The following TTC16 variants were observed in gnomAD, a reference collection of about 807,000 sequenced individuals.
The protein encoded by TTC16 is tetratricopeptide repeat protein 16.
Under a neutral mutation model 80.4 loss-of-function variants are expected in TTC16, and 66 were observed. The ratio of observed to expected loss-of-function variants is 0.82; its 90% CI spans 0.67 to 1.01. The LOEUF (loss-of-function observed/expected upper bound fraction) is 1.01. Among genes scored for constraint, TTC16 ranks in the 50% least tolerant of loss-of-function variants. TTC16 has a pLI of 0.00. For missense variants in TTC16, 1,070 were observed against 1,103.2 expected, an observed-to-expected ratio of 0.97 and a Z score of 0.43; for synonymous variants, 438 against 451.3, an observed-to-expected ratio of 0.97 and a Z score of 0.37.
intron 11 of TTC16, 28 bp downstream of exon 11, chr9:127,727,140 C>T (rs1360835014): frequency 6.4e-7 from 1 of 1,556,118 alleles, no homozygotes; most frequent in Admixed American, 1.9e-5. Flanking sequence ...GGGCACAGGC[C>T]AGGGCTGGGG....
Position 127,730,918 on chromosome 9 carries a change from C to T in TTC16, c.2135C>T (p.Ala712Val). 6.2e-7 allele frequency: 1 copy of T among 1,612,594 alleles called. No homozygotes were observed. Among genetic ancestry groups the T allele is most frequent in the Non-Finnish European group, 8.5e-7 (1 of 1,179,846 alleles). Residue 712 changes from alanine (A) to valine (V), a missense_variant, in exon 14 of 14, where the codon GCC becomes GTC. By Grantham distance (64) the Ala-to-Val change is moderately conservative (BLOSUM62 0). Coordinates refer to ENST00000373289, the MANE Select transcript of TTC16 (RefSeq NM_144965.3). ...AAGAGGAACTCCAGCAAGACCAAGGCCACCCAAAGCCAGAGGCGGAACTCC... is the reference window on the plus strand; with the variant it reads ...AAGAGGAACTCCAGCAAGACCAAGGTCACCCAAAGCCAGAGGCGGAACTCC... ...IHKRNSSKTK[A>V]TQSQRRNSSK...
chr9:127,717,933 G>A (rs1001493059), intron 4 of TTC16, among the ~76,000 whole-genome samples, 161 bp downstream of exon 4: 1 of 152,158 alleles, frequency 6.6e-6, no homozygotes, highest in Non-Finnish European at 1.5e-5. Flanking sequence ...TTACTGCCAG[G>A]GTTGAGTCAA....
At chr9:127,720,811 CT>C (rs1204736966) in intron 6 of TTC16, among the ~76,000 whole-genome samples, 9 of 135,138 alleles carry the variant, frequency 6.7e-5, no homozygotes, top group Admixed American at 1.5e-4. Context: ...TTCCTCCCTC[CT>C]TCTTTCTTCC....
Position 127,724,286 on chromosome 9 carries a change from T to C in TTC16, c.1039T>C (p.Tyr347His), listed in dbSNP as rs1259833571. ...FAVHCYRQGA[Y>H]QEGVLLLNKA... The stretch of plus-strand genomic sequence containing the variant: ...CGTGCACTGCTACAGGCAGGGCGCC[T>C]ACCAGGAGGGCGTGCTGCTGCTGAA... The change falls in exon 8 of 14, where the codon TAC becomes CAC. Residue 347 changes from tyrosine (Y) to histidine (H), a missense_variant. Physicochemically the swap from Tyr to His is moderately conservative, Grantham distance 83 (BLOSUM62 2). Coordinates refer to ENST00000373289, the MANE Select transcript of TTC16 (RefSeq NM_144965.3). The C allele has an allele frequency of 6.2e-7, 1 of 1,612,930 alleles. No individual in the cohort carries two copies. The highest frequency in any genetic ancestry group is 1.1e-5 in the South Asian group (1 of 91,072).
chr9:127,727,238 A>G, intron 11 of TTC16, 32 bp from the exon 12 acceptor site: 1 of 1,535,530 alleles, frequency 6.5e-7, no homozygotes. Flanking sequence ...GGCCAGGGAG[A>G]CTGACAATAC....
intron 7 of TTC16, among the ~76,000 whole-genome samples, chr9:127,723,692 T>C (rs1588439825): frequency 6.6e-6 from 1 of 152,004 alleles, no homozygotes; most frequent in Non-Finnish European, 1.5e-5. Context: ...CTGGCAGGAG[T>C]GACTCCAGGG....
Position 127,727,254 on chromosome 9 carries a change from G to T in TTC16, c.1569-16G>T. On this transcript the variant is annotated splice_polypyrimidine_tract_variant and intron_variant, in intron 11 of 13. Coordinates refer to ENST00000373289, the MANE Select transcript of TTC16 (RefSeq NM_144965.3). The stretch of plus-strand genomic sequence containing the variant: ...GCCAGGGAGACTGACAATACCTGGG[G>T]GGTATCGTTTGGCAGGATGCTTAAA... 1 of 1,546,084 alleles carries T rather than the reference G, an allele frequency of 6.5e-7. No individual in the cohort carries two copies. Among genetic ancestry groups the T allele is most frequent in the Non-Finnish European group, 8.7e-7 (1 of 1,143,876 alleles).
intron 2 of TTC16, 52 bp downstream of exon 2, chr9:127,717,068 T>G: frequency 6.3e-7 from 1 of 1,598,600 alleles, no homozygotes; most frequent in Non-Finnish European, 8.6e-7. Context: ...ACACAGCCAT[T>G]CACATGCTGT....
rs1456563384 is a variant in TTC16 at position 127,720,387 on chromosome 9, C to G, written c.649C>G (p.Leu217Val). 6.2e-7 allele frequency: 1 copy of G among 1,612,890 alleles called. No homozygotes were observed. Among genetic ancestry groups the G allele is most frequent in the Non-Finnish European group, 8.5e-7 (1 of 1,179,942 alleles). ...YIFRARLYNFLQKPHLCYRDL... is the reference protein window; with the variant it reads ...YIFRARLYNFVQKPHLCYRDL... ...CTTCCGGGCCAGACTCTACAACTTT[C>G]TCCAGAAGGTACAGTGGGGAGGGCG... The change falls in exon 6 of 14, where the codon CTC (leucine) becomes GTC (valine). Residue 217 changes from leucine (L) to valine (V), a missense_variant. Physicochemically the swap from Leu to Val is conservative, Grantham distance 32. Coordinates refer to ENST00000373289, the MANE Select transcript of TTC16 (RefSeq NM_144965.3).
rs1843193168 is a variant in TTC16, at chr9:127,718,093, A to T, written c.426+321A>T. ...TATCTTATTTTTATTTTATTTTATT[A>T]TTATTATTATTTTTGAGACAGTCTT... On this transcript the variant is annotated intron_variant, in intron 4 of 13. Transcript: ENST00000373289. The surrounding 1 kb of genome is among the most constrained non-coding windows in gnomAD (Gnocchi z 4.6). 2.0e-5 allele frequency among the ~76,000 whole-genome samples: 3 copies of T among 151,830 alleles called. No homozygotes were observed. The highest frequency in any genetic ancestry group is 6.6e-5 in the Admixed American group (1 of 15,234).
rs1222450783 is a variant in TTC16 at position 127,718,244 on chromosome 9, C to T, written c.426+472C>T. Among the ~76,000 whole-genome samples the T allele has an allele frequency of 6.6e-6, 1 of 152,048 alleles. No individual in the cohort carries two copies. The highest frequency in any genetic ancestry group is 2.4e-5 in the African/African-American group (1 of 41,402). On this transcript the variant is annotated intron_variant, in intron 4 of 13. Transcript: ENST00000373289. This position sits in a 1 kb window ranked among gnomAD's most constrained non-coding sequence, Gnocchi z 4.6. ...CTGGGACTACAGGCACACGCCACCA[C>T]GCCTGGCTAATTTTTTGTATTTTAG...
chr9:127,728,932 G>A (rs548088909), intron 12 of TTC16: 1 of 152,352 alleles, frequency 6.6e-6, no homozygotes, highest in Non-Finnish European at 1.5e-5. Flanking sequence ...GGAGACGTTG[G>A]GCTGAAGTGG....
chr9:127,716,157 G>C lies in TTC16; in HGVS notation c.12G>C (p.Ser4=). ...CTGGAAGGGGCCTCATGACAGATTC[G>C]GACGAGGTGCGGGCTTGGGAGAAGA... MTD[S]DEDALKVDQG... The change falls in exon 1 of 14, where the codon TCG becomes TCC. Residue 4 remains serine, a synonymous_variant. Transcript: ENST00000373289. The C allele has an allele frequency of 2.5e-6, 4 of 1,613,946 alleles. No homozygotes were observed. The highest frequency in any genetic ancestry group is 3.4e-6 in the Non-Finnish European group (4 of 1,180,012).
rs1326915432 is a variant in TTC16 at position 127,726,391 on chromosome 9, C to G, written c.1412C>G (p.Pro471Arg). Residue 471 changes from proline to arginine, a missense_variant, in exon 10 of 14, where the codon CCC (proline) becomes CGC (arginine). Pro to Arg is a moderately radical substitution (Grantham distance 103). Transcript: ENST00000373289. ...QDVATVLLLN[P>R]KQPKLSLLMT... is the part of the protein sequence containing the mutation. ...GTGGCCACTGTCCTGCTCCTCAACC[C>G]CAAGCAACCAAAGGTAGGTTCCTGC... 1 of 1,601,590 alleles carries G rather than the reference C, an allele frequency of 6.2e-7. No individual in the cohort carries two copies. Among genetic ancestry groups the G allele is most frequent in the South Asian group, 1.1e-5 (1 of 90,144 alleles).
At chr9:127,717,470 T>G in intron 3 of TTC16, 46 bp downstream of exon 3, 1 of 1,591,984 alleles carries the variant, frequency 6.3e-7, no homozygotes, top group Non-Finnish European at 8.6e-7. Context: ...TGGAACATGC[T>G]TCCTCCCTCC....
In TTC16 at chr9:127,724,852, T is replaced by TG. The variant is rs1564387941; in HGVS notation, c.1217dup (p.Leu407ProfsTer88). ...CAGGACGAGGGCGCCAACACGCGCA[T>TG]GGGCCTGCTGCAGGAGAAGATGGGC... On this transcript the variant is annotated frameshift_variant, in exon 9 of 14. Transcript: ENST00000373289. LOFTEE classifies it high-confidence loss of function. The TG allele has an allele frequency of 1.9e-6, 3 of 1,587,308 alleles. No homozygotes were observed. The highest frequency in any genetic ancestry group is 2.6e-6 in the Non-Finnish European group (3 of 1,168,934).
At chr9:127,721,207 G>A (rs574529017) in intron 6 of TTC16, among the ~76,000 whole-genome samples, 1 of 151,898 alleles carries the variant, frequency 6.6e-6, no homozygotes, top group South Asian at 2.1e-4. Context: ...CCCCAGGGCA[G>A]GGGGCTTTAG....
rs779284760 is a variant in TTC16 at position 127,731,374 on chromosome 9, A to T, written c.2591A>T (p.Asp864Val). The T allele has an allele frequency of 1.2e-5, 20 of 1,612,756 alleles. 1 individual carries two copies. In the South Asian group the frequency reaches 2.1e-4, roughly 17 times the overall value. Residue 864 changes from aspartate to valine, a missense_variant, in exon 14 of 14, where the codon GAT becomes GTT. Coordinates refer to ENST00000373289, the MANE Select transcript of TTC16 (RefSeq NM_144965.3). ...PSPSLSKTEVDQDLTYYEAV is the reference protein window; with the variant it reads ...PSPSLSKTEVVQDLTYYEAV ...CCAAGTCTCAGCAAAACTGAGGTTGATCAGGACCTCACCTACTATGAAGCT... is the reference window on the plus strand; with the variant it reads ...CCAAGTCTCAGCAAAACTGAGGTTGTTCAGGACCTCACCTACTATGAAGCT...
intron 10 of TTC16, 124 bp from the exon 11 acceptor site, chr9:127,726,846 C>T: frequency 2.3e-6 from 2 of 870,028 alleles, no homozygotes; most frequent in Non-Finnish European, 3.5e-6. Context: ...AAAAACATTG[C>T]AAAACTCTTC....
Sources: gnomAD v4.1 joint callset for allele counts (sites outside exome capture counted in the v4.1 genomes callset) on GRCh38, gnomAD v4.1.1 for gene constraint, Gnocchi (gnomAD v3.1) non-coding constraint, MANE v1.5 for transcripts, NCBI Gene and HGNC (gene_info 2026-07-23, HGNC 2026-07-21) for gene names.